EEF1A1: variants seen among roughly 807,000 people sequenced by gnomAD.
EEF1A1 encodes eukaryotic translation elongation factor 1 alpha 1.
A neutral mutation model predicts 38.5 loss-of-function variants in EEF1A1; 1 was observed. That is an observed-to-expected ratio of 0.03 (90% CI 0.01 to 0.12). The LOEUF (loss-of-function observed/expected upper bound fraction) is 0.12. EEF1A1 is among the 10% of genes least tolerant of loss of function. The probability of loss-of-function intolerance (pLI) is 1.00; values close to 1 mark genes in which losing one functional copy is unlikely to be tolerated. For missense variants in EEF1A1, 184 were observed against 588.3 expected, an observed-to-expected ratio of 0.31 and a Z score of 7.11; for synonymous variants, 229 against 203.7, an observed-to-expected ratio of 1.12 and a Z score of -1.06.
In EEF1A1 at chr6:73,518,989, T is replaced by G; in HGVS notation, c.564A>C (p.Val188=). The G allele has an allele frequency of 1.2e-6, 2 of 1,601,950 alleles. No individual in the cohort carries two copies. The highest frequency in any genetic ancestry group is 1.7e-6 in the Non-Finnish European group (2 of 1,173,426). ...TCCAACCAGAAATTGGCACAAATGC[T>G]ACTGTGTCGGGGTTGTAGCCAATTT... The part of the protein sequence containing the change: ...IKKIGYNPDT[V]AFVPISGWNG... Residue 188 remains valine (V), a synonymous_variant, in exon 4 of 8, where the codon GTA becomes GTC. Transcript: ENST00000309268.
Position 73,517,779 on chromosome 6 carries a change from A to G in EEF1A1, c.*31T>C, listed in dbSNP as rs766787655. 144 of 1,256,934 alleles carry G rather than the reference A, an allele frequency of 1.1e-4. No individual in the cohort carries two copies. Among genetic ancestry groups the G allele is most frequent in the African/African-American group, 7.1e-4 (47 of 65,832 alleles). The allele number at this position is 1,256,934 out of a possible 1,614,324, so 77.9% of individuals were successfully genotyped here. ...GAGACCGTTCTTCCACCACTGATTA[A>G]GAGTGGGGTGGCAGGTATTAGGGAT... is the stretch of plus-strand genomic sequence containing the variant. On this transcript the variant is annotated 3_prime_UTR_variant, in exon 8 of 8. Transcript: ENST00000309268.
In EEF1A1 at chr6:73,517,301, T is replaced by A. The variant is rs895701842; in HGVS notation, c.*509A>T. Reference sequence around the variant, plus strand: ...TAGTGACAGGCAATCAGCAACATGCTGCATTTCTCTCCAGTGTTGTAATCA... The same window carrying A: ...TAGTGACAGGCAATCAGCAACATGCAGCATTTCTCTCCAGTGTTGTAATCA... On this transcript the variant is annotated 3_prime_UTR_variant, in exon 8 of 8. Coordinates refer to ENST00000309268, the MANE Select transcript of EEF1A1 (RefSeq NM_001402.6). The A allele has an allele frequency of 6.5e-6, 1 of 153,286 alleles. No individual in the cohort carries two copies. The highest frequency in any genetic ancestry group is 2.4e-5 in the African/African-American group (1 of 41,476). The allele number at this position is 153,286 out of a possible 1,614,324, so 9.5% of individuals were successfully genotyped here.
chr6:73,519,842 C>T (rs1765608311), intron 2 of EEF1A1, 41 bp downstream of exon 2: 1 of 1,610,132 alleles, frequency 6.2e-7, no homozygotes, highest in African/African-American at 1.3e-5. Context: ...GCTGGTAAAA[C>T]TCATTTTAGT....
Position 73,516,671 on chromosome 6 carries a change from CT to C in EEF1A1, c.*1138del, listed in dbSNP as rs1294560286. On this transcript the variant is annotated 3_prime_UTR_variant, in exon 8 of 8. Transcript: ENST00000309268. The stretch of plus-strand genomic sequence containing the variant: ...CCTTCAAACTTAAGCAAAAATTTTC[CT>C]TTTATAACCAAAAAAAAACCTTTAG... The C allele has an allele frequency of 1.3e-5, 2 of 151,888 alleles. No homozygotes were observed. Among genetic ancestry groups the C allele is most frequent in the Non-Finnish European group, 2.9e-5 (2 of 67,976 alleles). 9.4% of individuals were successfully genotyped at this position (151,888 alleles called of 1,614,324 possible).
rs1468230433 is a variant in EEF1A1, at chr6:73,516,836, A to AC, written c.*973dup. 6.6e-6 allele frequency: 1 copy of AC among 152,208 alleles called. No individual in the cohort carries two copies. Among genetic ancestry groups the AC allele is most frequent in the African/African-American group, 2.4e-5 (1 of 41,462 alleles). The allele number at this position is 152,208 out of a possible 1,614,324, so 9.4% of individuals were successfully genotyped here. A position where few individuals can be genotyped will look rare whatever the true frequency, so the allele number is the denominator to read the frequency against. Reference sequence around the variant, plus strand: ...GGCTATTACACCTGTTAAGCCTATTACCATGTAGTTTCATTCCTAGTGACC... The same window carrying AC: ...GGCTATTACACCTGTTAAGCCTATTACCCATGTAGTTTCATTCCTAGTGACC... On this transcript the variant is annotated 3_prime_UTR_variant, in exon 8 of 8. Transcript: ENST00000309268.
At chr6:73,520,753 G>A (rs1765634927) in intron 1 of EEF1A1, 1 of 152,330 alleles carries the variant, frequency 6.6e-6, no homozygotes, top group Non-Finnish European at 1.5e-5. Context: ...CGAAAGCAGC[G>A]AGACAGGCGC....
intron 1 of EEF1A1, chr6:73,520,587 A>G (rs1765631265): frequency 6.5e-6 from 1 of 152,806 alleles, no homozygotes; most frequent in Non-Finnish European, 1.5e-5. Flanking sequence ...CGCCTCGCCG[A>G]ACATGTGCGC....
intron 1 of EEF1A1, chr6:73,520,481 G>C (rs1387607354): frequency 6.4e-6 from 1 of 155,540 alleles, no homozygotes; most frequent in East Asian, 1.9e-4. Context: ...CGCCCAGGGC[G>C]GGGCGATACA....
chr6:73,515,853 T>TA lies in EEF1A1; in HGVS notation c.*1956dup, dbSNP rs11340128. The TA allele has an allele frequency of 1.3e-5, 2 of 152,234 alleles. No homozygotes were observed. Among genetic ancestry groups the TA allele is most frequent in the Non-Finnish European group, 2.9e-5 (2 of 68,040 alleles). 9.4% of individuals were successfully genotyped at this position (152,234 alleles called of 1,614,324 possible). A position where few individuals can be genotyped will look rare whatever the true frequency, so the allele number is the denominator to read the frequency against. On this transcript the variant is annotated 3_prime_UTR_variant, in exon 8 of 8. Transcript: ENST00000309268. The stretch of plus-strand genomic sequence containing the variant: ...TAAGACACTGGGTTTCACAGGAAGT[T>TA]AATCTCAATCTCAGTATATGCAAGT...
chr6:73,519,263 C>G (rs1347158672), intron 3 of EEF1A1, 35 bp from the exon 4 acceptor site: 1 of 1,606,004 alleles, frequency 6.2e-7, no homozygotes, highest in East Asian at 2.2e-5. Flanking sequence ...CCTGTCAACT[C>G]TCCAAATGAC....
In EEF1A1 at chr6:73,520,305, C is replaced by G. The variant is rs577348109; in HGVS notation, c.-30-249G>C. 4.1e-5 allele frequency: 14 copies of G among 341,914 alleles called. No individual in the cohort carries two copies. In the East Asian group the frequency reaches 6.5e-4, roughly 16 times the overall value. The allele number at this position is 341,914 out of a possible 1,614,324, so 21.2% of individuals were successfully genotyped here. ...GACGGCGCCCGGTACTCCGTGGAGT[C>G]ACATGAAGCGACGGCTGAGGACGGA... On this transcript the variant is annotated intron_variant, in intron 1 of 7. Transcript: ENST00000309268.
In EEF1A1 at chr6:73,521,032, G is replaced by A. The variant is rs763858820; in HGVS notation, c.-63C>T. On this transcript the variant is annotated 5_prime_UTR_variant, in exon 1 of 8. Transcript: ENST00000309268. ...CTGGCGGCAAACCCGTTGCGAAAAA[G>A]AACGTTCACGGCGACTACTGCACTT... The A allele has an allele frequency of 6.5e-6, 1 of 153,180 alleles. No homozygotes were observed. Among genetic ancestry groups the A allele is most frequent in the African/African-American group, 2.4e-5 (1 of 41,468 alleles). The allele number at this position is 153,180 out of a possible 1,614,324, so 9.5% of individuals were successfully genotyped here. A position where few individuals can be genotyped will look rare whatever the true frequency, so the allele number is the denominator to read the frequency against.
rs1355950853 is a variant in EEF1A1, at chr6:73,517,177, A to C, written c.*633T>G. 6.6e-6 allele frequency: 1 copy of C among 152,322 alleles called. No homozygotes were observed. The highest frequency in any genetic ancestry group is 1.5e-5 in the Non-Finnish European group (1 of 68,144). The allele number at this position is 152,322 out of a possible 1,614,324, so 9.4% of individuals were successfully genotyped here. The stretch of plus-strand genomic sequence containing the variant: ...ACCCACGTTTCAACATGCACATCCC[A>C]GTAATTTGGAAACATTTTGTTTCCA... On this transcript the variant is annotated 3_prime_UTR_variant, in exon 8 of 8. Transcript: ENST00000309268.
chr6:73,519,535 G>A lies in EEF1A1; in HGVS notation c.145-19C>T, dbSNP rs2073466. On this transcript the variant is annotated intron_variant, in intron 2 of 7. Coordinates refer to ENST00000309268, the MANE Select transcript of EEF1A1 (RefSeq NM_001402.6). Reference sequence around the variant, plus strand: ...TTCCCATCTGTAAGGATTAAGAGTCGTTACTTGGTTACTAAAACACAAACT... The same window carrying A: ...TTCCCATCTGTAAGGATTAAGAGTCATTACTTGGTTACTAAAACACAAACT... The A allele has an allele frequency of 1.9e-6, 3 of 1,570,920 alleles. No homozygotes were observed. The highest frequency in any genetic ancestry group is 2.6e-6 in the Non-Finnish European group (3 of 1,162,492).
At chr6:73,519,832 G>C in intron 2 of EEF1A1, 51 bp downstream of exon 2, 2 of 1,606,854 alleles carry the variant, frequency 1.2e-6, no homozygotes, top group Non-Finnish European at 1.7e-6. Context: ...TAATGATTCT[G>C]CTGGTAAAAC....
intron 3 of EEF1A1, 30 bp from the exon 4 acceptor site, chr6:73,519,258 C>T (rs1206408775): frequency 1.9e-5 from 31 of 1,606,272 alleles, no homozygotes; most frequent in Non-Finnish European, 2.2e-5. Flanking sequence ...ATATCCCTGT[C>T]AACTCTCCAA....
Position 73,515,812 on chromosome 6 carries a change from T to G in EEF1A1, c.*1998A>C, listed in dbSNP as rs1765501117. 1 of 152,228 alleles carries G rather than the reference T, an allele frequency of 6.6e-6. No individual in the cohort carries two copies. Among genetic ancestry groups the G allele is most frequent in the Non-Finnish European group, 1.5e-5 (1 of 68,044 alleles). 9.4% of individuals were successfully genotyped at this position (152,228 alleles called of 1,614,324 possible). Reference sequence around the variant, plus strand: ...TGTAATGAATACCAGCAGGTGGTGCTCAAGCCACAGTTGTCTAAGACACTG... The same window carrying G: ...TGTAATGAATACCAGCAGGTGGTGCGCAAGCCACAGTTGTCTAAGACACTG... On this transcript the variant is annotated 3_prime_UTR_variant, in exon 8 of 8. Coordinates refer to ENST00000309268, the MANE Select transcript of EEF1A1 (RefSeq NM_001402.6).
chr6:73,520,700 G>T (rs1323983086), intron 1 of EEF1A1: 1 of 152,320 alleles, frequency 6.6e-6, no homozygotes, highest in African/African-American at 2.4e-5. Context: ...GAAAAAAAGC[G>T]TCGCAGCAGG....
chr6:73,520,175 T>G, intron 1 of EEF1A1, 119 bp from the exon 2 acceptor site: 1 of 938,082 alleles, frequency 1.1e-6, no homozygotes, highest in Non-Finnish European at 1.6e-6. Flanking sequence ...TGGCCTAACT[T>G]CAGTCTCCAC....
Sources: allele counts gnomAD v4.1 joint callset, GRCh38; gene constraint gnomAD v4.1.1; transcripts MANE v1.5; gene names NCBI Gene and HGNC (gene_info 2026-07-23, HGNC 2026-07-21).